TMEM131: variants seen among roughly 807,000 people sequenced by gnomAD.
The protein encoded by TMEM131 is 2610524E03Rik.
Under a neutral mutation model 211.6 loss-of-function variants are expected in TMEM131, and 66 were observed. The ratio of observed to expected loss-of-function variants is 0.31; its 90% CI spans 0.26 to 0.38. The LOEUF (loss-of-function observed/expected upper bound fraction) is 0.38, where lower values mean the gene tolerates loss of function less well. TMEM131 is among the 10% of genes least tolerant of loss of function. The probability of loss-of-function intolerance (pLI) is 1.00; values close to 1 mark genes in which losing one functional copy is unlikely to be tolerated. For synonymous variants in TMEM131, 844 were observed against 841.3 expected (o/e 1.00, Z -0.06); for missense variants, 2,036 against 2,299.3 (o/e 0.89, Z 2.34).
At chr2:97,831,977 A>AT (rs1299302199) in intron 11 of TMEM131, among the ~76,000 whole-genome samples, 4 of 95,460 alleles carry the variant, frequency 4.2e-5, no homozygotes, top group East Asian at 3.4e-4. Context: ...CTATTTTTGC[A>AT]TTTTTTATAG....
intron 7 of TMEM131, among the ~76,000 whole-genome samples, chr2:97,841,549 C>T (rs189317197): frequency 6.6e-6 from 1 of 152,128 alleles, no homozygotes; most frequent in African/African-American, 2.4e-5. Flanking sequence ...TGCAGAGCTG[C>T]CTAAACTATA....
intron 35 of TMEM131, 146 bp from the exon 36 acceptor site, chr2:97,762,346 A>T: frequency 2.5e-6 from 2 of 799,664 alleles, no homozygotes; most frequent in Non-Finnish European, 3.8e-6. Context: ...GTTCTGTTTA[A>T]CAGGTTTTAA....
At chr2:97,769,113 G>A (rs1679341043) in intron 33 of TMEM131, among the ~76,000 whole-genome samples, 1 of 149,960 alleles carries the variant, frequency 6.7e-6, no homozygotes, top group African/African-American at 2.4e-5. Flanking sequence ...CTCCCTAGTA[G>A]TTGGGACTAC....
intron 1 of TMEM131, among the ~76,000 whole-genome samples, chr2:97,974,596 T>C (rs1256952556): frequency 6.9e-6 from 1 of 145,168 alleles, no homozygotes; most frequent in Admixed American, 6.9e-5. Context: ...CTTAAAAGTA[T>C]CAAGAGAAAA....
At chr2:97,829,649 C>T (rs533687050) in intron 11 of TMEM131, among the ~76,000 whole-genome samples, 9 of 152,272 alleles carry the variant, frequency 5.9e-5, no homozygotes, top group East Asian at 1.9e-4. Context: ...TTTGTTCTTT[C>T]GCTCTTAATA....
rs369781689 is a variant in TMEM131, at chr2:97,841,911, T to G, written c.627A>C (p.Pro209=). The change falls in exon 7 of 41, where the codon CCA becomes CCC. Residue 209 remains proline (P), a synonymous_variant. Coordinates refer to ENST00000186436, the MANE Select transcript of TMEM131 (RefSeq NM_015348.2). ...YQVFGVGVPN[P]YRLRPFLGAR... The stretch of plus-strand genomic sequence containing the variant: ...CCCCAAGGAACGGCCTCAATCGATA[T>G]GGATTTGGAACTCCAACACCAAATA... 2.5e-6 allele frequency: 4 copies of G among 1,586,470 alleles called. No homozygotes were observed. In the South Asian group the frequency reaches 4.6e-5, roughly 18 times the overall value.
chr2:97,909,588 C>T (rs1021040236), intron 2 of TMEM131, among the ~76,000 whole-genome samples: 1 of 152,058 alleles, frequency 6.6e-6, no homozygotes, highest in Non-Finnish European at 1.5e-5. Context: ...GTGAACTTAT[C>T]CCAAAAGGTT....
intron 2 of TMEM131, among the ~76,000 whole-genome samples, chr2:97,912,409 C>T (rs1453503556): frequency 1.3e-5 from 2 of 152,110 alleles, no homozygotes; most frequent in Non-Finnish European, 2.9e-5. Flanking sequence ...GACCTTTGAA[C>T]CTCATGAATT....
At chr2:97,969,872 C>T (rs1434595673) in intron 1 of TMEM131, among the ~76,000 whole-genome samples, 3 of 152,188 alleles carry the variant, frequency 2.0e-5, no homozygotes, top group Admixed American at 2.0e-4. Flanking sequence ...AAATCATCCA[C>T]TTATCTAAAT....
chr2:97,962,270 G>C (rs1316047057), intron 1 of TMEM131, among the ~76,000 whole-genome samples: 1 of 152,160 alleles, frequency 6.6e-6, no homozygotes, highest in Non-Finnish European at 1.5e-5. Flanking sequence ...TTGGGAGGCC[G>C]AGGCAGGTGG....
At chr2:97,895,993 G>A (rs1213234470) in intron 3 of TMEM131, among the ~76,000 whole-genome samples, 2 of 152,038 alleles carry the variant, frequency 1.3e-5, no homozygotes, top group Non-Finnish European at 1.5e-5. Context: ...GCTTTCTCTT[G>A]TGAGCATTTA....
intron 1 of TMEM131, among the ~76,000 whole-genome samples, chr2:97,978,631 GC>G (rs1679653221): frequency 6.6e-6 from 1 of 152,026 alleles, no homozygotes; most frequent in South Asian, 2.1e-4. Context: ...TATTCCTCCC[GC>G]CTAGGCCTCT....
At chr2:97,890,998 A>C (rs1446230245) in intron 3 of TMEM131, among the ~76,000 whole-genome samples, 2 of 152,216 alleles carry the variant, frequency 1.3e-5, no homozygotes, top group Admixed American at 6.5e-5. Context: ...GGAACAGTTT[A>C]ATATCCGAGT....
At chr2:97,804,480 T>C (rs1247909769) in intron 22 of TMEM131, among the ~76,000 whole-genome samples, 1 of 151,960 alleles carries the variant, frequency 6.6e-6, no homozygotes, top group African/African-American at 2.4e-5. Context: ...CTGGCCAACA[T>C]GGTGAAACCC....
intron 1 of TMEM131, among the ~76,000 whole-genome samples, chr2:97,958,846 G>A (rs957658548): frequency 2.6e-5 from 4 of 152,218 alleles, no homozygotes; most frequent in African/African-American, 9.6e-5. Context: ...CAAAAATCAA[G>A]GAAGAAATGG....
At chr2:97,953,213 A>G (rs1678405043) in intron 1 of TMEM131, among the ~76,000 whole-genome samples, 1 of 152,258 alleles carries the variant, frequency 6.6e-6, no homozygotes, top group African/African-American at 2.4e-5. Context: ...TGGAAATGAA[A>G]TAACTTCAGA....
intron 32 of TMEM131, among the ~76,000 whole-genome samples, chr2:97,773,896 C>G (rs1679586025): frequency 2.0e-5 from 3 of 152,204 alleles, no homozygotes; most frequent in Admixed American, 6.5e-5. Context: ...GGTTCTTTGC[C>G]CCAGACAATC....
At chr2:97,862,541 A>C (rs1451479925) in intron 4 of TMEM131, among the ~76,000 whole-genome samples, 1 of 152,128 alleles carries the variant, frequency 6.6e-6, no homozygotes, top group Non-Finnish European at 1.5e-5. Flanking sequence ...CGCTGAAATA[A>C]TTAAAAACAA....
chr2:97,887,189 G>A (rs769475905), intron 4 of TMEM131, among the ~76,000 whole-genome samples: 46 of 152,258 alleles, frequency 3.0e-4, no homozygotes, highest in Admixed American at 1.3e-3. Context: ...CAGCTGGCCC[G>A]AGGATGTGTC....
Sources: gnomAD v4.1 joint callset for allele counts (sites outside exome capture counted in the v4.1 genomes callset) on GRCh38, gnomAD v4.1.1 for gene constraint, MANE v1.5 for transcripts, NCBI Gene and HGNC (gene_info 2026-07-23, HGNC 2026-07-21) for gene names.